FMO2: variants seen among roughly 807,000 people sequenced by gnomAD.
FMO2 encodes the protein flavin containing dimethylaniline monoxygenase 2.
In FMO2, 33 loss-of-function variants were observed where a neutral mutation model predicts 41.6. The ratio of observed to expected loss-of-function variants is 0.79; its 90% CI spans 0.60 to 1.06. The LOEUF is 1.06. Ranked by LOEUF, FMO2 falls within the 50% of genes least tolerant of loss-of-function variation. The pLI is 0.00. For synonymous variants in FMO2, 214 were observed against 219.6 expected (o/e 0.97, Z 0.23); for missense variants, 619 against 632.9 (o/e 0.98, Z 0.23).
At chr1:171,196,247 G>A (rs1658307038) in intron 3 of FMO2, among the ~76,000 whole-genome samples, 1 of 152,204 alleles carries the variant, frequency 6.6e-6, no homozygotes, top group South Asian at 2.1e-4. Flanking sequence ...ATTATATAAA[G>A]AGCAATAACA....
intron 3 of FMO2, among the ~76,000 whole-genome samples, chr1:171,195,338 G>T (rs1658261086): frequency 6.6e-6 from 1 of 152,118 alleles, no homozygotes; most frequent in Non-Finnish European, 1.5e-5. Flanking sequence ...TGGATATCTT[G>T]TTAAAAATGT....
intron 1 of FMO2, 99 bp from the exon 2 acceptor site, chr1:171,185,609 A>T: frequency 8.7e-7 from 1 of 1,147,216 alleles, no homozygotes; most frequent in Non-Finnish European, 1.3e-6. Flanking sequence ...TTAAATTACC[A>T]CTGCTACAAT....
In FMO2 at chr1:171,208,842, C is replaced by T; in HGVS notation, c.1305C>T (p.Tyr435=). ...CGTTGCAGACCAATTATGTTGACTA[C>T]TTGGACGAGCTCGCCTTAGAGATAG... ...SQTLQTNYVD[Y]LDELALEIGA... is the part of the protein sequence containing the mutation. Residue 435 remains tyrosine (Y), a synonymous_variant, in exon 9 of 9, where the codon TAC becomes TAT. Transcript: ENST00000209929. 2 of 1,613,998 alleles carry T rather than the reference C, an allele frequency of 1.2e-6. No homozygotes were observed. Among genetic ancestry groups the T allele is most frequent in the Non-Finnish European group, 1.7e-6 (2 of 1,179,876 alleles).
chr1:171,189,654 CT>C (rs199536748), intron 2 of FMO2, among the ~76,000 whole-genome samples: 5 of 122,772 alleles, frequency 4.1e-5, no homozygotes, highest in Admixed American at 9.3e-5. Flanking sequence ...CGTCTTTTTT[CT>C]TTTCTTTTTT....
At chr1:171,208,078 T>A (rs546005423) in intron 8 of FMO2, among the ~76,000 whole-genome samples, 1 of 152,318 alleles carries the variant, frequency 6.6e-6, no homozygotes, top group Non-Finnish European at 1.5e-5. Flanking sequence ...ATATGATGCC[T>A]ATGTCAGATT....
chr1:171,199,575 C>A, intron 5 of FMO2, 87 bp downstream of exon 5: 2 of 1,308,488 alleles, frequency 1.5e-6, no homozygotes, highest in Non-Finnish European at 2.1e-6. Context: ...ATCGCGGCTC[C>A]AATCCTCATT....
At chr1:171,193,161 G>A (rs977206121) in intron 2 of FMO2, among the ~76,000 whole-genome samples, 174 bp from the exon 3 acceptor site, 1 of 152,138 alleles carries the variant, frequency 6.6e-6, no homozygotes, top group African/African-American at 2.4e-5. Context: ...ACAAACTGGT[G>A]TCGTCACAGA....
chr1:171,199,297 G>C (rs375502127), intron 4 of FMO2, 49 bp from the exon 5 acceptor site: 1 of 1,489,594 alleles, frequency 6.7e-7, no homozygotes, highest in African/African-American at 1.4e-5. Context: ...AAATTAGCTT[G>C]ACATAGTTGC....
At chr1:171,201,489 C>A (rs971232243) in intron 5 of FMO2, among the ~76,000 whole-genome samples, 1 of 152,252 alleles carries the variant, frequency 6.6e-6, no homozygotes, top group Admixed American at 6.5e-5. Flanking sequence ...GCTATACATG[C>A]TAGGAACGGA....
Position 171,188,385 on chromosome 1 carries a change from A to C in FMO2, c.132+2540A>C, listed in dbSNP as rs28369813. Among the ~76,000 whole-genome samples, 567 of 152,324 alleles carry C rather than the reference A, an allele frequency of 3.7e-3. 2 individuals carry two copies. Among genetic ancestry groups the C allele is most frequent in the Non-Finnish European group, 6.3e-3 (426 of 68,020 alleles). ...AACCTGATTAATTAGGCTTTATTGA[A>C]TATTAAGGGTTAAGTATATAACTGT... On this transcript the variant is annotated intron_variant, in intron 2 of 8. Coordinates refer to ENST00000209929, the MANE Select transcript of FMO2 (RefSeq NM_001460.5).
chr1:171,192,206 T>G (rs1658111249), intron 2 of FMO2, among the ~76,000 whole-genome samples: 1 of 152,186 alleles, frequency 6.6e-6, no homozygotes, highest in Non-Finnish European at 1.5e-5. Context: ...ATCAGTATTA[T>G]GCAATTTGAA....
At chr1:171,203,777 C>T in intron 5 of FMO2, 88 bp from the exon 6 acceptor site, 1 of 1,121,828 alleles carries the variant, frequency 8.9e-7, no homozygotes, top group African/African-American at 1.5e-5. Flanking sequence ...AATTCTGGGG[C>T]TACACATGTG....
chr1:171,203,321 TCTCACACACACA>T (rs981479260), intron 5 of FMO2, among the ~76,000 whole-genome samples: 7 of 122,658 alleles, frequency 5.7e-5, no homozygotes, highest in African/African-American at 2.3e-4. Flanking sequence ...CAAGACCCTG[TCTCACACACACA>T]CACACACACA....
At chr1:171,206,629 G>T (rs2102014565) in intron 7 of FMO2, among the ~76,000 whole-genome samples, 1 of 152,218 alleles carries the variant, frequency 6.6e-6, no homozygotes, top group African/African-American at 2.4e-5. Flanking sequence ...ACTGGCCAAG[G>T]GACCTGGAAT....
At chr1:171,190,376 A>C (rs1658030739) in intron 2 of FMO2, among the ~76,000 whole-genome samples, 1 of 152,194 alleles carries the variant, frequency 6.6e-6, no homozygotes, top group Non-Finnish European at 1.5e-5. Context: ...ATGTTAAACA[A>C]ATTATAGCAA....
At chr1:171,196,880 A>G (rs1407818770) in intron 4 of FMO2, 69 bp downstream of exon 4, 9 of 1,432,560 alleles carry the variant, frequency 6.3e-6, no homozygotes, top group Non-Finnish European at 8.7e-6. Flanking sequence ...GTTTGGATTG[A>G]CAAGCAGGAT....
intron 6 of FMO2, 58 bp downstream of exon 6, chr1:171,204,122 G>C (rs1658657329): frequency 2.1e-5 from 26 of 1,264,430 alleles, no homozygotes; most frequent in Admixed American, 1.7e-5. Context: ...TTGTCTGAAG[G>C]TGTCTCCCTT....
chr1:171,209,075 C>A lies in FMO2; in HGVS notation c.1538C>A (p.Ser513Tyr). 4 of 1,073,716 alleles carry A rather than the reference C, an allele frequency of 3.7e-6. No individual in the cohort carries two copies. Among genetic ancestry groups the A allele is most frequent in the South Asian group, 3.2e-5 (2 of 63,096 alleles). 66.5% of individuals were successfully genotyped at this position (1,073,716 alleles called of 1,614,324 possible). ...AAGGATTCATCTAATTTCTCAGTTT[C>A]TTTTCTGTTGAAAATCCTGGGCCTT... ...ALKDSSNFSVSFLLKILGLLA... is the reference protein window; with the variant it reads ...ALKDSSNFSVYFLLKILGLLA... Residue 513 changes from serine to tyrosine, a missense_variant, in exon 9 of 9, where the codon TCT (serine) becomes TAT (tyrosine). Coordinates refer to ENST00000209929, the MANE Select transcript of FMO2 (RefSeq NM_001460.5).
At position 171,212,088 on chromosome 1, in the gene FMO2, T is replaced by TG. The variant is rs1659006193; in HGVS notation, c.*2945dup. On this transcript the variant is annotated 3_prime_UTR_variant, in exon 9 of 9. Transcript: ENST00000209929. ...GTTCTTCTCCTGTAAAGAATGTCAA[T>TG]GGTTATCACCTTCAATAGTTTCAAT... 6.6e-6 allele frequency among the ~76,000 whole-genome samples: 1 copy of TG among 152,224 alleles called. No homozygotes were observed. Among genetic ancestry groups the TG allele is most frequent in the African/African-American group, 2.4e-5 (1 of 41,462 alleles).
Sources: gnomAD v4.1 joint callset for allele counts (sites outside exome capture counted in the v4.1 genomes callset) on GRCh38, gnomAD v4.1.1 for gene constraint, MANE v1.5 for transcripts, NCBI Gene and HGNC (gene_info 2026-07-23, HGNC 2026-07-21) for gene names.